Variants in LIPJ observed in about 807,000 individuals in gnomAD.
LIPJ encodes lipase family member J.
In LIPJ, 33 loss-of-function variants were observed where a neutral mutation model predicts 39.8. That is an observed-to-expected ratio of 0.83 (90% confidence interval 0.63 to 1.11). The LOEUF is 1.11. LIPJ is among the 50% of genes least tolerant of loss of function. The probability of loss-of-function intolerance (pLI) is 0.00; values close to 1 mark genes in which losing one functional copy is unlikely to be tolerated. For missense variants in LIPJ, 422 were observed against 427.9 expected (o/e 0.99, Z 0.12); for synonymous variants, 128 against 139.2 (o/e 0.92, Z 0.57).
intron 4 of LIPJ, chr10:88,593,389 T>C (rs1851145812): frequency 6.6e-6 from 1 of 151,912 alleles, no homozygotes; most frequent in Non-Finnish European, 1.5e-5. Context: ...GAATCACTAA[T>C]ATATTCTCAC....
chr10:88,605,588 T>C, intron 9 of LIPJ, 45 bp from the exon 10 acceptor site: 1 of 1,349,066 alleles, frequency 7.4e-7, no homozygotes. Flanking sequence ...CAGCTGCCAC[T>C]GTAATGAACA....
Position 88,603,103 on chromosome 10 carries a change from A to AAATG in LIPJ, c.795+458_795+459insTGAA, listed in dbSNP as rs1851550836. 2.0e-5 allele frequency among the ~76,000 whole-genome samples: 3 copies of AAATG among 152,290 alleles called. No homozygotes were observed. The South Asian group carries it at 6.2e-4, about 32-fold the overall frequency. On this transcript the variant is annotated intron_variant, in intron 9 of 10. Coordinates refer to ENST00000371939, the Ensembl canonical transcript of LIPJ. ...TAAGACTCTGTCTCAATAAATAAAT[A>AAATG]AAAATAAAATGTTAGTATCATAATT...
intron 8 of LIPJ, among the ~76,000 whole-genome samples, chr10:88,599,376 T>A (rs1851386374): frequency 1.3e-5 from 2 of 152,210 alleles, no homozygotes; most frequent in South Asian, 4.1e-4. Context: ...GTATTTACTA[T>A]ATAACTGAAA....
chr10:88,584,872 A>T (rs1436004743), upstream of LIPJ, among the ~76,000 whole-genome samples: 1 of 152,238 alleles, frequency 6.6e-6, no homozygotes, highest in Non-Finnish European at 1.5e-5. Context: ...GATACAGCAA[A>T]ATACACAATG....
At chr10:88,605,510 C>G (rs1851632597) in intron 9 of LIPJ, 123 bp from the exon 10 acceptor site, 3 of 696,836 alleles carry the variant, frequency 4.3e-6, no homozygotes, top group African/African-American at 1.8e-5. Flanking sequence ...AACGAAGAAG[C>G]CCACCTGCAT....
At chr10:88,599,193 T>C (rs181161868) in intron 8 of LIPJ, among the ~76,000 whole-genome samples, 1 of 151,632 alleles carries the variant, frequency 6.6e-6, no homozygotes, top group Admixed American at 6.6e-5. Flanking sequence ...TGAGGTACAA[T>C]TGACAAATAA....
chr10:88,621,799 A>G, the LIPJ span, among the ~76,000 whole-genome samples: 2 of 152,064 alleles, frequency 1.3e-5, no homozygotes, highest in African/African-American at 4.8e-5. Flanking sequence ...GTGTTCCGCT[A>G]TTTTCTTTTG....
chr10:88,589,086 A>G (rs1851001827), intron 2 of LIPJ, among the ~76,000 whole-genome samples: 1 of 151,946 alleles, frequency 6.6e-6, no homozygotes, highest in African/African-American at 2.4e-5. Context: ...AATTATTAAT[A>G]GAATTTTATT....
rs1564934503 is a variant in LIPJ at position 88,596,894 on chromosome 10, CTTGT to C, written c.684_687del (p.Phe229Ter). 4.4e-6 allele frequency: 7 copies of C among 1,584,628 alleles called. No individual in the cohort carries two copies. Among genetic ancestry groups the C allele is most frequent in the Non-Finnish European group, 6.1e-6 (7 of 1,156,656 alleles). ...TTTTTGATAAGATTTGCCTCAATAT[CTTGT>C]TTATGATGTTTGGATATGACCCAAA... On this transcript the variant is annotated frameshift_variant, in exon 8 of 11. Coordinates refer to ENST00000371939, the Ensembl canonical transcript of LIPJ. LOFTEE classifies it high-confidence loss of function.
chr10:88,593,911 A>C (rs1324197483), intron 4 of LIPJ, 35 bp from the exon 5 acceptor site: 1 of 1,562,518 alleles, frequency 6.4e-7, no homozygotes, highest in South Asian at 1.2e-5. Flanking sequence ...GATAACTACA[A>C]AATTTATAAA....
intron 4 of LIPJ, chr10:88,591,812 A>G (rs538790074): frequency 6.0e-6 from 1 of 167,226 alleles, no homozygotes; most frequent in East Asian, 1.7e-4. Flanking sequence ...ACACAATAAC[A>G]TTATTATGCT....
exon 4 of LIPJ, chr10:88,591,446 C>T: frequency 2.5e-6 from 4 of 1,599,030 alleles, no homozygotes; most frequent in Non-Finnish European, 3.4e-6. Context: ...ATGGTTATAT[C>T]CTTGGCCTTT....
chr10:88,615,397 C>T, the LIPJ span, among the ~76,000 whole-genome samples: 1 of 151,726 alleles, frequency 6.6e-6, no homozygotes, highest in African/African-American at 2.4e-5. Context: ...ACTAAAAATA[C>T]AAAAAATTAG....
At chr10:88,596,318 A>G (rs752993630) in exon 7 of LIPJ, 2 of 1,540,720 alleles carry the variant, frequency 1.3e-6, no homozygotes, top group South Asian at 2.5e-5. Context: ...GATAGCTGAA[A>G]GAATCAAAAT....
intron 2 of LIPJ, among the ~76,000 whole-genome samples, chr10:88,588,485 T>C (rs1850981442): frequency 6.6e-6 from 1 of 151,886 alleles, no homozygotes. Flanking sequence ...TATTATTGAA[T>C]TGCATTATGG....
the LIPJ span, chr10:88,618,705 G>C: frequency 5.5e-4 from 86 of 157,392 alleles, no homozygotes; most frequent in South Asian, 1.5e-3. Context: ...GTATATAGCA[G>C]TTGCCAGCTT....
chr10:88,615,825 T>C, the LIPJ span, among the ~76,000 whole-genome samples: 1 of 152,080 alleles, frequency 6.6e-6, no homozygotes, highest in Non-Finnish European at 1.5e-5. Context: ...ATCTACTATG[T>C]GACTTAGCAA....
chr10:88,607,121 G>A, downstream of LIPJ: 1 of 385,470 alleles, frequency 2.6e-6, no homozygotes, highest in Non-Finnish European at 4.4e-6. Context: ...TAAGAAGCCT[G>A]TTGAGTTTCA....
intron 8 of LIPJ, among the ~76,000 whole-genome samples, chr10:88,598,111 GA>G (rs1216439195): frequency 1.3e-5 from 2 of 151,974 alleles, no homozygotes; most frequent in African/African-American, 4.8e-5. Context: ...GTTGGAAGTA[GA>G]AAATTTTCAC....
Sources: gnomAD v4.1 joint callset for allele counts (sites outside exome capture counted in the v4.1 genomes callset) on GRCh38, gnomAD v4.1.1 for gene constraint, MANE v1.5 for transcripts, NCBI Gene and HGNC (gene_info 2026-07-23, HGNC 2026-07-21) for gene names.